The following P3H2 variants were observed in gnomAD, a reference collection of about 807,000 sequenced individuals.
The protein encoded by P3H2 is prolyl 3-hydroxylase 2, also known as leprecan-like 1.
A neutral mutation model predicts 87.0 loss-of-function variants in P3H2; 80 were observed. The observed-to-expected ratio is 0.92, with a 90% CI of 0.77 to 1.11. The LOEUF is 1.11. Among genes scored for constraint, P3H2 ranks in the 50% least tolerant of loss-of-function variants. The pLI, the probability that P3H2 is intolerant of heterozygous loss-of-function variation, is 0.00. For synonymous variants in P3H2, 367 were observed against 359.3 expected (o/e 1.02, Z -0.24); for missense variants, 1,001 against 923.9 (o/e 1.08, Z -1.08).
Position 190,120,539 on chromosome 3 carries a change from G to T in P3H2, c.193C>A (p.Arg65Ser). ...CTGCGCAGCGCCGCTTCCAAGTCGCGCACCGCTCGCTCGTAGTCTCCGCTG... is the reference window on the plus strand; with the variant it reads ...CTGCGCAGCGCCGCTTCCAAGTCGCTCACCGCTCGCTCGTAGTCTCCGCTG... ...YYSGDYERAV[R>S]DLEAALRSHR... is the part of the protein sequence containing the mutation. The change falls in exon 1 of 15, where the codon CGC (arginine) becomes AGC (serine). Residue 65 changes from arginine to serine, a missense_variant. Arg to Ser is a moderately radical substitution (Grantham distance 110). Coordinates refer to ENST00000319332, the MANE Select transcript of P3H2 (RefSeq NM_018192.4). The T allele has an allele frequency of 6.6e-7, 1 of 1,507,880 alleles. No homozygotes were observed. The highest frequency in any genetic ancestry group is 8.8e-7 in the Non-Finnish European group (1 of 1,137,034). The allele number at this position is 1,507,880 out of a possible 1,614,324, so 93.4% of individuals were successfully genotyped here.
chr3:189,999,407 C>T (rs1171869598), intron 1 of P3H2, among the ~76,000 whole-genome samples: 1 of 152,090 alleles, frequency 6.6e-6, no homozygotes, highest in Admixed American at 6.5e-5. Flanking sequence ...TAAAATAAAC[C>T]ACTGTTTTAA....
chr3:189,986,974 C>A, intron 5 of P3H2, 97 bp from the exon 6 acceptor site: 1 of 814,428 alleles, frequency 1.2e-6, no homozygotes. Context: ...TAGATAGTCA[C>A]AAATGAGCTA....
chr3:190,009,493 A>C (rs1349005886), intron 1 of P3H2, among the ~76,000 whole-genome samples: 1 of 152,146 alleles, frequency 6.6e-6, no homozygotes, highest in Non-Finnish European at 1.5e-5. Flanking sequence ...GTGTTATGGA[A>C]TCAACCTGCA....
At chr3:190,010,539 A>AACGG (rs1724553584) in intron 1 of P3H2, among the ~76,000 whole-genome samples, 1 of 151,864 alleles carries the variant, frequency 6.6e-6, no homozygotes, top group African/African-American at 2.4e-5. Context: ...AGACACCAGG[A>AACGG]GAACGAGCAC....
At chr3:190,011,816 C>T (rs959873208) in intron 1 of P3H2, among the ~76,000 whole-genome samples, 2 of 151,878 alleles carry the variant, frequency 1.3e-5, no homozygotes, top group African/African-American at 2.4e-5. Flanking sequence ...GATATACTCT[C>T]GAATGAAAAA....
chr3:190,116,743 C>T (rs1375419772), intron 1 of P3H2: 1 of 152,146 alleles, frequency 6.6e-6, no homozygotes, highest in South Asian at 2.1e-4. Flanking sequence ...CTATATATTA[C>T]GTCTTAGGCT....
chr3:189,983,328 G>A, intron 7 of P3H2, 188 bp from the exon 8 acceptor site: 1 of 583,826 alleles, frequency 1.7e-6, no homozygotes, highest in Non-Finnish European at 3.0e-6. Context: ...CGGTGAGTTT[G>A]CCTTATTTCA....
rs1388034148 is a variant in P3H2 at position 189,956,800 on chromosome 3, G to C, written c.*1112C>G. On this transcript the variant is annotated 3_prime_UTR_variant, in exon 15 of 15. Coordinates refer to ENST00000319332, the MANE Select transcript of P3H2 (RefSeq NM_018192.4). Reference sequence around the variant, plus strand: ...CTGTGTGCTGGATAGCAGCAATGAGGAGGGGCCCCCAAAATATAAGCAGAT... The same window carrying C: ...CTGTGTGCTGGATAGCAGCAATGAGCAGGGGCCCCCAAAATATAAGCAGAT... 8.0e-6 allele frequency: 2 copies of C among 251,560 alleles called. No homozygotes were observed. The highest frequency in any genetic ancestry group is 4.4e-5 in the African/African-American group (2 of 45,148). The allele number at this position is 251,560 out of a possible 1,614,324, so 15.6% of individuals were successfully genotyped here.
At chr3:190,085,092 T>G (rs1301637311) in intron 1 of P3H2, among the ~76,000 whole-genome samples, 1 of 152,178 alleles carries the variant, frequency 6.6e-6, no homozygotes, top group East Asian at 1.9e-4. Context: ...CGTTGAATTA[T>G]TCTCGTGTTG....
In P3H2 at chr3:190,042,902, A is replaced by G. The variant is rs1356902112; in HGVS notation, c.481-47460T>C. Among the ~76,000 whole-genome samples, 3 of 152,318 alleles carry G rather than the reference A, an allele frequency of 2.0e-5. No homozygotes were observed. The East Asian group carries it at 5.8e-4, about 29-fold the overall frequency. ...TGCTTTGGTAGAAAGCCAGACTAGA[A>G]ACAAAGGCTAGTCAATTTTAACGCT... On this transcript the variant is annotated intron_variant, in intron 1 of 14. Coordinates refer to ENST00000319332, the MANE Select transcript of P3H2 (RefSeq NM_018192.4).
intron 1 of P3H2, among the ~76,000 whole-genome samples, chr3:190,113,802 G>A (rs1712163408): frequency 6.6e-6 from 1 of 152,174 alleles, no homozygotes; most frequent in Admixed American, 6.5e-5. Flanking sequence ...AGGAGGCCGG[G>A]CGCAGTGGCT....
chr3:190,091,326 T>A (rs754051619), intron 1 of P3H2, among the ~76,000 whole-genome samples: 1 of 152,250 alleles, frequency 6.6e-6, no homozygotes, highest in Non-Finnish European at 1.5e-5. Flanking sequence ...AGAGTCATGA[T>A]TGCCATATGG....
chr3:190,001,164 G>GT (rs2108928167), intron 1 of P3H2, among the ~76,000 whole-genome samples: 1 of 152,280 alleles, frequency 6.6e-6, no homozygotes, highest in Admixed American at 6.5e-5. Context: ...TGGAAAATAT[G>GT]TAAGTTCCCT....
chr3:190,019,794 A>ATATATATG (rs1553876029), intron 1 of P3H2, among the ~76,000 whole-genome samples: 4 of 43,796 alleles, frequency 9.1e-5, no homozygotes, highest in African/African-American at 2.6e-4. Context: ...AAATATATAT[A>ATATATATG]TATATATATA....
At chr3:190,079,875 TA>T (rs1213335843) in intron 1 of P3H2, among the ~76,000 whole-genome samples, 1 of 152,218 alleles carries the variant, frequency 6.6e-6, no homozygotes, top group African/African-American at 2.4e-5. Flanking sequence ...TTCTCATCCA[TA>T]AAAGGGGACA....
chr3:190,002,737 T>C (rs1219164786), intron 1 of P3H2, among the ~76,000 whole-genome samples: 2 of 152,236 alleles, frequency 1.3e-5, no homozygotes, highest in African/African-American at 4.8e-5. Flanking sequence ...AAAGCTGGCA[T>C]ATTTCACTTT....
chr3:190,110,124 T>C (rs1577328659), intron 1 of P3H2, among the ~76,000 whole-genome samples: 1 of 152,104 alleles, frequency 6.6e-6, no homozygotes, highest in Non-Finnish European at 1.5e-5. Flanking sequence ...GCTGGGATTA[T>C]AGACATGAAC....
intron 1 of P3H2, among the ~76,000 whole-genome samples, chr3:190,077,216 G>A (rs1005717052): frequency 9.9e-5 from 15 of 152,188 alleles, no homozygotes; most frequent in Admixed American, 1.3e-4. Flanking sequence ...TCCTGAGCCT[G>A]ACAGCAGACC....
chr3:190,083,686 A>G (rs1727124441), intron 1 of P3H2, among the ~76,000 whole-genome samples: 1 of 152,216 alleles, frequency 6.6e-6, no homozygotes, highest in East Asian at 1.9e-4. Flanking sequence ...ACCCATTGAT[A>G]TTTAATCCAT....
Sources: allele counts gnomAD v4.1 joint callset (sites outside exome capture counted in the v4.1 genomes callset), GRCh38; gene constraint gnomAD v4.1.1; transcripts MANE v1.5; gene names NCBI Gene and HGNC (gene_info 2026-07-23, HGNC 2026-07-21).